GPR137C: variants seen among roughly 807,000 people sequenced by gnomAD.
GPR137C encodes the protein G protein-coupled receptor 137C.
A neutral mutation model predicts 43.4 loss-of-function variants in GPR137C; 27 were observed. The ratio of observed to expected loss-of-function variants is 0.62; its 90% CI spans 0.46 to 0.86. The LOEUF is 0.86. Among genes scored for constraint, GPR137C ranks in the 40% least tolerant of loss-of-function variants. The pLI is 0.00. For missense variants in GPR137C, 522 were observed against 534.6 expected (o/e 0.98, Z 0.23); for synonymous variants, 285 against 226.9 (o/e 1.26, Z -2.30).
intron 1 of GPR137C, among the ~76,000 whole-genome samples, chr14:52,580,848 A>G (rs1480476810): frequency 6.8e-6 from 1 of 147,566 alleles, no homozygotes; most frequent in African/African-American, 2.5e-5. Context: ...GTATATATTA[A>G]ATATATAAAT....
At chr14:52,564,078 A>G (rs1040893645) in intron 1 of GPR137C, among the ~76,000 whole-genome samples, 36 of 152,134 alleles carry the variant, frequency 2.4e-4, no homozygotes, top group Non-Finnish European at 4.6e-4. Flanking sequence ...GTTTGAGACC[A>G]GCCTGGCCAA....
At chr14:52,557,022 G>T (rs2038205303) in intron 1 of GPR137C, among the ~76,000 whole-genome samples, 2 of 152,124 alleles carry the variant, frequency 1.3e-5, no homozygotes, top group Admixed American at 1.3e-4. Context: ...GTCCCTACCA[G>T]TAGATATATT....
At chr14:52,579,648 G>A (rs545018999) in intron 1 of GPR137C, among the ~76,000 whole-genome samples, 22 of 152,300 alleles carry the variant, frequency 1.4e-4, no homozygotes, top group African/African-American at 2.4e-4. Context: ...GTGAAAGGAC[G>A]TAGAGTCAAA....
intron 1 of GPR137C, among the ~76,000 whole-genome samples, chr14:52,579,850 G>A (rs945828632): frequency 4.6e-5 from 7 of 152,156 alleles, no homozygotes; most frequent in East Asian, 1.9e-4. Flanking sequence ...CGAGCTGGCC[G>A]TGTAGGTACC....
chr14:52,563,794 C>A (rs1335463259), intron 1 of GPR137C, among the ~76,000 whole-genome samples: 1 of 152,160 alleles, frequency 6.6e-6, no homozygotes, highest in Non-Finnish European at 1.5e-5. Context: ...ATCACCAAAT[C>A]CTGTTACCTC....
chr14:52,603,136 C>A (rs1229198796), intron 3 of GPR137C, among the ~76,000 whole-genome samples: 1 of 152,188 alleles, frequency 6.6e-6, no homozygotes, highest in Non-Finnish European at 1.5e-5. Flanking sequence ...AACCATTATT[C>A]TACTCTACCT....
intron 3 of GPR137C, among the ~76,000 whole-genome samples, chr14:52,607,013 T>C (rs1319803695): frequency 6.6e-6 from 1 of 152,214 alleles, no homozygotes; most frequent in African/African-American, 2.4e-5. Flanking sequence ...TCTCAAGAAA[T>C]TTTTTAATTT....
At chr14:52,589,929 A>G (rs1367488884) in intron 1 of GPR137C, among the ~76,000 whole-genome samples, 1 of 152,198 alleles carries the variant, frequency 6.6e-6, no homozygotes, top group Admixed American at 6.5e-5. Context: ...ACTGGATAAT[A>G]AATGATTATG....
chr14:52,591,652 G>A lies in GPR137C; in HGVS notation c.445-6620G>A, dbSNP rs1026042024. Among the ~76,000 whole-genome samples, 9 of 151,946 alleles carry A rather than the reference G, an allele frequency of 5.9e-5. No individual in the cohort carries two copies. The South Asian group carries it at 6.2e-4, about 11-fold the overall frequency. On this transcript the variant is annotated intron_variant, in intron 1 of 6. Transcript: ENST00000321662. ...TCAGAAGTGTCTGTTCATATCCTTCGCCCACTTTTTGATGGTGTTGTTTGT... is the reference window on the plus strand; with the variant it reads ...TCAGAAGTGTCTGTTCATATCCTTCACCCACTTTTTGATGGTGTTGTTTGT...
chr14:52,613,742 A>G (rs1206021668), intron 3 of GPR137C: 1 of 239,094 alleles, frequency 4.2e-6, no homozygotes, highest in South Asian at 5.0e-5. Flanking sequence ...TTCTTTACCC[A>G]TTCATGTGTT....
At chr14:52,616,674 AAAT>A (rs1251718707) in intron 3 of GPR137C, among the ~76,000 whole-genome samples, 1 of 152,168 alleles carries the variant, frequency 6.6e-6, no homozygotes. Flanking sequence ...CTGACCTACT[AAAT>A]AATATAGAAT....
intron 1 of GPR137C, 100 bp downstream of exon 1, chr14:52,553,691 G>C: frequency 1.1e-6 from 1 of 930,866 alleles, no homozygotes; most frequent in Non-Finnish European, 1.6e-6. Context: ...TGGGCAGCGA[G>C]AGGCGGACTG....
At chr14:52,576,927 C>T (rs920808811) in intron 1 of GPR137C, among the ~76,000 whole-genome samples, 7 of 152,126 alleles carry the variant, frequency 4.6e-5, no homozygotes, top group African/African-American at 1.7e-4. Context: ...CAGTGGCTCA[C>T]ACCTGTAATC....
intron 3 of GPR137C, chr14:52,612,574 T>C (rs2039049792): frequency 1.1e-6 from 1 of 937,054 alleles, no homozygotes; most frequent in Non-Finnish European, 1.3e-6. Flanking sequence ...CTTTTTTTTC[T>C]TGATAGAGAC....
In GPR137C at chr14:52,582,818, T is replaced by C. The variant is rs540630940; in HGVS notation, c.445-15454T>C. ...CCAAAAATAAATAAATAATTAAAAA[T>C]AATAAAATGAGAAAATCATTTCAAA... is the stretch of plus-strand genomic sequence containing the variant. On this transcript the variant is annotated intron_variant, in intron 1 of 6. Transcript: ENST00000321662. Among the ~76,000 whole-genome samples, 9 of 152,154 alleles carry C rather than the reference T, an allele frequency of 5.9e-5. No individual in the cohort carries two copies. The East Asian group carries it at 1.4e-3, about 23-fold the overall frequency.
In GPR137C at chr14:52,592,893, A is replaced by T. The variant is rs564481521; in HGVS notation, c.445-5379A>T. ...TTGAATAGGAGTGGTGAGAGAGAGC[A>T]TCCTTGTCTTGTACCGATTTTCAAA... is the stretch of plus-strand genomic sequence containing the variant. On this transcript the variant is annotated intron_variant, in intron 1 of 6. Transcript: ENST00000321662. Among the ~76,000 whole-genome samples, 213 of 152,282 alleles carry T rather than the reference A, an allele frequency of 1.4e-3. 1 individual carries two copies. The highest frequency in any genetic ancestry group is 5.1e-3 in the African/African-American group (210 of 41,546).
intron 1 of GPR137C, among the ~76,000 whole-genome samples, chr14:52,567,119 A>T (rs2038383246): frequency 6.6e-6 from 1 of 151,936 alleles, no homozygotes. Context: ...TCTGAAAAAA[A>T]AGAAAAGAAC....
Position 52,590,785 on chromosome 14 carries a change from A to G in GPR137C, c.445-7487A>G, listed in dbSNP as rs1359674553. Among the ~76,000 whole-genome samples, 4 of 152,270 alleles carry G rather than the reference A, an allele frequency of 2.6e-5. No homozygotes were observed. The East Asian group carries it at 7.7e-4, about 29-fold the overall frequency. On this transcript the variant is annotated intron_variant, in intron 1 of 6. Transcript: ENST00000321662. ...CTATACCATCTAGGTTTGTGTAAATATACTCTGTAATGTTCACACACTGAC... is the reference window on the plus strand; with the variant it reads ...CTATACCATCTAGGTTTGTGTAAATGTACTCTGTAATGTTCACACACTGAC...
At chr14:52,560,860 T>C (rs2038272266) in intron 1 of GPR137C, among the ~76,000 whole-genome samples, 1 of 152,160 alleles carries the variant, frequency 6.6e-6, no homozygotes, top group Admixed American at 6.5e-5. Context: ...TGAACCAAAA[T>C]TGACAAATGA....
Sources: gnomAD v4.1 joint callset for allele counts (sites outside exome capture counted in the v4.1 genomes callset) on GRCh38, gnomAD v4.1.1 for gene constraint, MANE v1.5 for transcripts, NCBI Gene and HGNC (gene_info 2026-07-23, HGNC 2026-07-21) for gene names.